PTPRN2: variants seen among roughly 807,000 people sequenced by gnomAD.
PTPRN2 encodes the protein protein tyrosine phosphatase receptor type N2, also known as receptor-type tyrosine-protein phosphatase N2.
Under a neutral mutation model 118.8 loss-of-function variants are expected in PTPRN2, and 74 were observed. The ratio of observed to expected loss-of-function variants is 0.62; its 90% CI spans 0.52 to 0.76. The LOEUF (loss-of-function observed/expected upper bound fraction) is 0.76, where lower values mean the gene tolerates loss of function less well. Ranked by LOEUF, PTPRN2 falls within the 30% of genes least tolerant of loss-of-function variation. PTPRN2 has a pLI of 0.00. For synonymous variants in PTPRN2, 641 were observed against 608.0 expected, an observed-to-expected ratio of 1.05 and a Z score of -0.80; for missense variants, 1,481 against 1,394.4, an observed-to-expected ratio of 1.06 and a Z score of -0.99.
intron 2 of PTPRN2, among the ~76,000 whole-genome samples, chr7:158,340,665 C>A (rs1224005925): frequency 1.0e-5 from 1 of 98,962 alleles, no homozygotes; most frequent in African/African-American, 3.7e-5. Context: ...GCAGACGTCA[C>A]TCACACCCAC....
chr7:157,558,266 A>G (rs918605873), intron 21 of PTPRN2, among the ~76,000 whole-genome samples: 1 of 152,092 alleles, frequency 6.6e-6, no homozygotes, highest in Non-Finnish European at 1.5e-5. Flanking sequence ...ATGCAAACGC[A>G]GCGTCTGTGC....
chr7:158,398,454 T>C (rs1361604663), intron 2 of PTPRN2, among the ~76,000 whole-genome samples: 1 of 152,230 alleles, frequency 6.6e-6, no homozygotes, highest in Non-Finnish European at 1.5e-5. Context: ...CTTCTAACTG[T>C]TTCTGCATTG....
rs967923748 is a variant in PTPRN2, at chr7:157,784,990, C to T, written c.1789-102053G>A. ...GCAGAGGGAGCCGAGGCCCTCTGTC[C>T]AGGCGGCTGAGGTCACGCGGTCTCT... On this transcript the variant is annotated intron_variant, in intron 12 of 22. Coordinates refer to ENST00000389418, the MANE Select transcript of PTPRN2 (RefSeq NM_002847.5). This position sits in a 1 kb window ranked among gnomAD's most constrained non-coding sequence, Gnocchi z 4.6. 2.6e-5 allele frequency among the ~76,000 whole-genome samples: 4 copies of T among 152,184 alleles called. No homozygotes were observed. Among genetic ancestry groups the T allele is most frequent in the Admixed American group, 2.0e-4 (3 of 15,292 alleles).
At chr7:157,579,614 T>G (rs1800239354) in intron 17 of PTPRN2, among the ~76,000 whole-genome samples, 1 of 152,354 alleles carries the variant, frequency 6.6e-6, no homozygotes, top group South Asian at 2.1e-4. Context: ...CCCCGTCGAC[T>G]GGGGGGACCC....
intron 2 of PTPRN2, among the ~76,000 whole-genome samples, chr7:158,409,219 G>A (rs1248123835): frequency 6.6e-6 from 1 of 152,234 alleles, no homozygotes; most frequent in Non-Finnish European, 1.5e-5. Context: ...AGGGGCTCCT[G>A]GAGATGGCAG....
chr7:157,598,368 A>G lies in PTPRN2; in HGVS notation c.2419-3053T>C, dbSNP rs4716761. Among the ~76,000 whole-genome samples the G allele has an allele frequency of 0.24, 35,586 of 150,256 alleles. 5,085 individuals are homozygous for G. Among genetic ancestry groups the G allele is most frequent in the East Asian group, 0.45 (2,302 of 5,148 alleles). On this transcript the variant is annotated intron_variant, in intron 16 of 22. Coordinates refer to ENST00000389418, the MANE Select transcript of PTPRN2 (RefSeq NM_002847.5). The surrounding 1 kb of genome is among the most constrained non-coding windows in gnomAD (Gnocchi z 5.2). ...GTGGGAAAAGGCCTGTCATATCTCC[A>G]GGCCTCAGTCTCCGTATCTGTATGG...
chr7:158,163,507 C>A (rs775393674), intron 6 of PTPRN2, among the ~76,000 whole-genome samples: 1 of 143,630 alleles, frequency 7.0e-6, no homozygotes, highest in Non-Finnish European at 1.5e-5. Flanking sequence ...GTTCTCAATT[C>A]TCTCTTCTTA....
intron 12 of PTPRN2, among the ~76,000 whole-genome samples, chr7:157,820,694 G>A (rs1401860861): frequency 6.6e-6 from 1 of 152,218 alleles, no homozygotes; most frequent in Non-Finnish European, 1.5e-5. Flanking sequence ...CCAAGCCAAG[G>A]GGGAGTGATC....
At chr7:158,428,939 TGCAAG>T (rs1656792952) in intron 2 of PTPRN2, among the ~76,000 whole-genome samples, 1 of 152,212 alleles carries the variant, frequency 6.6e-6, no homozygotes, top group African/African-American at 2.4e-5. Flanking sequence ...ACAGCCTTAC[TGCAAG>T]AAAAACAGGG....
rs1210661750 is a variant in PTPRN2, at chr7:157,764,108, G to A, written c.1789-81171C>T. On this transcript the variant is annotated intron_variant, in intron 12 of 22. Transcript: ENST00000389418. The surrounding 1 kb of genome is among the most constrained non-coding windows in gnomAD (Gnocchi z 4.5). Reference sequence around the variant, plus strand: ...ACAACAAAAACGTGCTGGCGAGAATGCTGAGGAATCGTAACTGGCACACTC... The same window carrying A: ...ACAACAAAAACGTGCTGGCGAGAATACTGAGGAATCGTAACTGGCACACTC... Among the ~76,000 whole-genome samples the A allele has an allele frequency of 6.6e-6, 1 of 152,194 alleles. No individual in the cohort carries two copies. The highest frequency in any genetic ancestry group is 1.5e-5 in the Non-Finnish European group (1 of 68,036).
chr7:158,181,787 G>C (rs1395506810), intron 5 of PTPRN2, among the ~76,000 whole-genome samples: 1 of 151,968 alleles, frequency 6.6e-6, no homozygotes, highest in Non-Finnish European at 1.5e-5. Context: ...GTATAGTTGA[G>C]CTTATTTTAA....
At chr7:158,081,513 C>A (rs1812845590) in intron 10 of PTPRN2, 136 bp from the exon 11 acceptor site, 1 of 747,034 alleles carries the variant, frequency 1.3e-6, no homozygotes, top group Admixed American at 2.2e-5. Context: ...GGCGTCGACT[C>A]CACTGGACGT....
intron 12 of PTPRN2, among the ~76,000 whole-genome samples, chr7:157,877,341 G>A (rs973157612): frequency 4.0e-5 from 6 of 150,160 alleles, no homozygotes; most frequent in Admixed American, 1.3e-4. Flanking sequence ...GGGTTTTCTC[G>A]GGGACCCCGG....
chr7:157,946,543 T>C (rs1224730213), intron 11 of PTPRN2, among the ~76,000 whole-genome samples: 1 of 152,190 alleles, frequency 6.6e-6, no homozygotes, highest in Non-Finnish European at 1.5e-5. Context: ...CCACAGCAGC[T>C]CCTGAGGGCA....
intron 5 of PTPRN2, among the ~76,000 whole-genome samples, chr7:158,171,348 T>TATATATAC (rs1554571717): frequency 0.022 from 1,988 of 89,762 alleles, 203 homozygotes; most frequent in Admixed American, 0.031. Flanking sequence ...TATATATATA[T>TATATATAC]ACACACACAC....
chr7:158,460,975 ATCT>A (rs1818941881), intron 2 of PTPRN2, among the ~76,000 whole-genome samples: 2 of 152,204 alleles, frequency 1.3e-5, no homozygotes, highest in Admixed American at 6.5e-5. Flanking sequence ...GTTAGGAAAA[ATCT>A]TCTAGAGATG....
chr7:158,327,212 AAC>A (rs372366609), intron 2 of PTPRN2, among the ~76,000 whole-genome samples: 8,397 of 141,156 alleles, frequency 0.059, 788 homozygotes, highest in African/African-American at 0.21. Flanking sequence ...CACATTCTCA[AAC>A]ACACACGTAA....
intron 11 of PTPRN2, among the ~76,000 whole-genome samples, chr7:158,072,366 A>G (rs1003873066): frequency 6.6e-6 from 1 of 152,136 alleles, no homozygotes; most frequent in African/African-American, 2.4e-5. Context: ...AATTTTCAAG[A>G]ATGGGCCTTC....
intron 2 of PTPRN2, among the ~76,000 whole-genome samples, chr7:158,345,597 A>G (rs1807451584): frequency 6.6e-6 from 1 of 152,246 alleles, no homozygotes; most frequent in Non-Finnish European, 1.5e-5. Flanking sequence ...GTGGTCACCC[A>G]GAGCTTTCCA....
Sources: allele counts gnomAD v4.1 joint callset (sites outside exome capture counted in the v4.1 genomes callset), GRCh38; gene constraint gnomAD v4.1.1; non-coding constraint Gnocchi (gnomAD v3.1); transcripts MANE v1.5; gene names NCBI Gene and HGNC (gene_info 2026-07-23, HGNC 2026-07-21).